MTM1: variants seen among roughly 807,000 people sequenced by gnomAD.
MTM1 encodes myotubularin 1.
Under a neutral mutation model 52.1 loss-of-function variants are expected in MTM1, and 9 were observed. That is an observed-to-expected ratio of 0.17 (90% CI 0.10 to 0.30). The LOEUF (loss-of-function observed/expected upper bound fraction) is 0.30, where lower values mean the gene tolerates loss of function less well. Ranked by LOEUF, MTM1 falls within the 10% of genes least tolerant of loss-of-function variation. The pLI, the probability that MTM1 is intolerant of heterozygous loss-of-function variation, is 1.00. For missense variants in MTM1, 277 were observed against 470.7 expected, an observed-to-expected ratio of 0.59 and a Z score of 3.81; for synonymous variants, 136 against 163.8, an observed-to-expected ratio of 0.83 and a Z score of 1.29.
intron 3 of MTM1, 79 bp downstream of exon 3, chrX:150,596,649 C>T (rs910106071): frequency 2.5e-6 from 2 of 792,644 alleles, no homozygotes; most frequent in Admixed American, 4.5e-5. Flanking sequence ...CCCGCTTACT[C>T]TTTAGCAGTC....
intron 1 of MTM1, among the ~76,000 whole-genome samples, chrX:150,569,452 C>A (rs1035566475): frequency 8.0e-5 from 9 of 112,443 alleles, no homozygotes; most frequent in African/African-American, 2.6e-4. Context: ...AAGTGGGTTG[C>A]GACTGGTTTT....
At chrX:150,634,488 C>T (rs1485139308) in intron 6 of MTM1, among the ~76,000 whole-genome samples, 2 of 112,154 alleles carry the variant, frequency 1.8e-5, no homozygotes, top group African/African-American at 3.2e-5. Context: ...TTCCCTATGT[C>T]AGAGCTGTTT....
chrX:150,577,920 G>A (rs928857110), intron 1 of MTM1, among the ~76,000 whole-genome samples: 5 of 111,762 alleles, frequency 4.5e-5, no homozygotes, highest in Non-Finnish European at 7.5e-5. Flanking sequence ...GATCTGTTTT[G>A]GCAGACAGAT....
At chrX:150,611,051 G>T (rs2039267272) in intron 4 of MTM1, among the ~76,000 whole-genome samples, 1 of 111,613 alleles carries the variant, frequency 9.0e-6, no homozygotes, top group African/African-American at 3.3e-5. Flanking sequence ...ATGAAAATAT[G>T]CTGCTTATAT....
chrX:150,590,028 A>G (rs782184660), intron 1 of MTM1, among the ~76,000 whole-genome samples: 3 of 111,886 alleles, frequency 2.7e-5, no homozygotes, highest in Non-Finnish European at 5.6e-5. Flanking sequence ...TTGATGTAAA[A>G]TGGGGGTAAT....
chrX:150,583,984 A>G (rs979469676), intron 1 of MTM1, among the ~76,000 whole-genome samples: 50 of 85,529 alleles, frequency 5.8e-4, no homozygotes, highest in Non-Finnish European at 9.6e-4. Context: ...TTTTAAAAAT[A>G]TATTAAATAT....
intron 1 of MTM1, among the ~76,000 whole-genome samples, chrX:150,584,482 T>A (rs1431767150): frequency 1.8e-5 from 2 of 111,303 alleles, no homozygotes; most frequent in Admixed American, 1.9e-4. Flanking sequence ...GTACCTTTAA[T>A]GACTGATGAC....
At chrX:150,577,936 C>T (rs2038502066) in intron 1 of MTM1, among the ~76,000 whole-genome samples, 1 of 112,013 alleles carries the variant, frequency 8.9e-6, no homozygotes, top group East Asian at 2.8e-4. Context: ...CAGATCTTTC[C>T]AACCCCTGGT....
At chrX:150,599,763 A>C (rs782625631) in intron 4 of MTM1, among the ~76,000 whole-genome samples, 2 of 111,919 alleles carry the variant, frequency 1.8e-5, no homozygotes, top group African/African-American at 6.5e-5. Context: ...GGACATGTAC[A>C]TGGATCAGGC....
At chrX:150,653,564 T>C (rs782624180) in intron 10 of MTM1, among the ~76,000 whole-genome samples, 1 of 112,402 alleles carries the variant, frequency 8.9e-6, no homozygotes, top group East Asian at 2.8e-4. Context: ...TTCTATACTA[T>C]CTTATAGCCC....
intron 1 of MTM1, among the ~76,000 whole-genome samples, chrX:150,573,228 C>T (rs1223739203): frequency 8.9e-6 from 1 of 112,484 alleles, no homozygotes; most frequent in Non-Finnish European, 1.9e-5. Flanking sequence ...GGAGCTCATG[C>T]TTAACCTTTC....
chrX:150,619,296 A>G (rs1231590030), intron 6 of MTM1, among the ~76,000 whole-genome samples, 157 bp downstream of exon 6: 2 of 111,475 alleles, frequency 1.8e-5, no homozygotes, highest in African/African-American at 6.5e-5. Flanking sequence ...CATCATTTCC[A>G]GAGGGAACAG....
At chrX:150,657,763 A>G in intron 10 of MTM1, 58 bp from the exon 11 acceptor site, 2 of 1,051,991 alleles carry the variant, frequency 1.9e-6, no homozygotes, top group Non-Finnish European at 2.7e-6. Flanking sequence ...TTTAAAAACT[A>G]TCAAATGTAA....
intron 12 of MTM1, 32 bp from the exon 13 acceptor site, chrX:150,660,339 T>C (rs1557414631): frequency 4.3e-6 from 4 of 934,802 alleles, no homozygotes; most frequent in Non-Finnish European, 6.2e-6. Context: ...CAGTCCCAGT[T>C]TTTCATGCTT....
chrX:150,568,308 A>G (rs187589103), upstream of MTM1, among the ~76,000 whole-genome samples: 13 of 113,306 alleles, frequency 1.1e-4, no homozygotes, highest in Non-Finnish European at 2.4e-4. Context: ...CCCGGCGCCC[A>G]GTCCAACTTC....
At chrX:150,639,278 T>C (rs1419826563) in intron 7 of MTM1, among the ~76,000 whole-genome samples, 1 of 111,872 alleles carries the variant, frequency 8.9e-6, no homozygotes, top group African/African-American at 3.2e-5. Context: ...CTTCCCTATA[T>C]GAAGAGCATC....
intron 6 of MTM1, among the ~76,000 whole-genome samples, chrX:150,620,433 C>T (rs782007279): frequency 3.6e-5 from 4 of 112,353 alleles, no homozygotes; most frequent in Non-Finnish European, 5.6e-5. Context: ...AGCCTATCCT[C>T]GTCTCCAGTG....
chrX:150,591,247 CT>C (rs1569565370), intron 1 of MTM1, among the ~76,000 whole-genome samples: 3 of 112,217 alleles, frequency 2.7e-5, no homozygotes, highest in African/African-American at 9.7e-5. Context: ...TGGTAGTTGC[CT>C]AGTTCCAGTG....
At chrX:150,565,061 A>C (rs978490992), upstream of MTM1, among the ~76,000 whole-genome samples, 8 of 112,243 alleles carry the variant, frequency 7.1e-5, no homozygotes, top group Admixed American at 2.8e-4. Context: ...CACCTAACAA[A>C]TGGAAGAGCT....
Sources: gnomAD v4.1 joint callset for allele counts (sites outside exome capture counted in the v4.1 genomes callset) on GRCh38, gnomAD v4.1.1 for gene constraint, MANE v1.5 for transcripts, NCBI Gene and HGNC (gene_info 2026-07-23, HGNC 2026-07-21) for gene names.